AKAP13: variants seen among roughly 807,000 people sequenced by gnomAD.
AKAP13 encodes A-kinase anchoring protein 13, also known as A-kinase anchor protein 13.
Under a neutral mutation model 264.5 loss-of-function variants are expected in AKAP13, and 80 were observed. The ratio of observed to expected loss-of-function variants is 0.30; its 90% CI spans 0.25 to 0.36. The LOEUF (loss-of-function observed/expected upper bound fraction) is 0.36, where lower values mean the gene tolerates loss of function less well. Ranked by LOEUF, AKAP13 falls within the 10% of genes least tolerant of loss-of-function variation. The probability of loss-of-function intolerance (pLI) is 1.00; values close to 1 mark genes in which losing one functional copy is unlikely to be tolerated. For synonymous variants in AKAP13, 1,380 were observed against 1,250.2 expected (o/e 1.10, Z -2.19); for missense variants, 3,712 against 3,435.2 (o/e 1.08, Z -2.01).
intron 5 of AKAP13, among the ~76,000 whole-genome samples, chr15:85,547,785 T>C (rs1475612464): frequency 6.6e-6 from 1 of 152,196 alleles, no homozygotes; most frequent in Non-Finnish European, 1.5e-5. Context: ...GATTGACATA[T>C]ATGTTATCTC....
chr15:85,450,357 A>T (rs2074043721), intron 1 of AKAP13, among the ~76,000 whole-genome samples: 2 of 150,552 alleles, frequency 1.3e-5, no homozygotes, highest in South Asian at 2.1e-4. Flanking sequence ...TCATGTCTTG[A>T]TTTCCTTCAG....
At chr15:85,399,324 G>A (rs1338549335) in intron 1 of AKAP13, among the ~76,000 whole-genome samples, 2 of 149,254 alleles carry the variant, frequency 1.3e-5, no homozygotes, top group East Asian at 3.9e-4. Context: ...GTGAAACCCC[G>A]TCTCTACTAA....
chr15:85,622,182 G>A (rs1211928482), intron 8 of AKAP13, among the ~76,000 whole-genome samples: 1 of 152,184 alleles, frequency 6.6e-6, no homozygotes, highest in Non-Finnish European at 1.5e-5. Flanking sequence ...AAATAAATAA[G>A]TACAAACTGT....
At chr15:85,398,922 G>C (rs2071252419) in intron 1 of AKAP13, among the ~76,000 whole-genome samples, 1 of 152,154 alleles carries the variant, frequency 6.6e-6, no homozygotes, top group African/African-American at 2.4e-5. Context: ...TATTTGAATA[G>C]GTTGTGTATC....
intron 8 of AKAP13, 103 bp from the exon 9 acceptor site, chr15:85,639,271 A>G (rs1687321473): frequency 2.4e-6 from 2 of 833,680 alleles, no homozygotes; most frequent in Admixed American, 4.6e-5. Context: ...CCTGTATTAA[A>G]GAAAAAGATA....
intron 13 of AKAP13, among the ~76,000 whole-genome samples, chr15:85,669,462 G>T (rs942152132): frequency 6.6e-6 from 1 of 152,168 alleles, no homozygotes; most frequent in South Asian, 2.1e-4. Flanking sequence ...CCACTGTAAA[G>T]AATGGATACT....
chr15:85,693,272 G>C lies in AKAP13; in HGVS notation c.5290-5G>C. 1 of 1,587,638 alleles carries C rather than the reference G, an allele frequency of 6.3e-7. No homozygotes were observed. The highest frequency in any genetic ancestry group is 2.3e-5 in the East Asian group (1 of 44,248). On this transcript the variant is annotated splice_region_variant and splice_polypyrimidine_tract_variant and intron_variant, in intron 16 of 36. Coordinates refer to ENST00000394518, the MANE Select transcript of AKAP13 (RefSeq NM_007200.5). ...AACTGTGGATTATTTTCTTTTCTTC[G>C]GCAGGAAAAGGAAAAAGAAAAAGAT...
rs1297766647 is a variant in AKAP13, at chr15:85,746,074, G to C, written c.*1397G>C. On this transcript the variant is annotated 3_prime_UTR_variant, in exon 37 of 37. Transcript: ENST00000394518. ...CTGAGGCCCCGTACACCAGAAGGGAGGCCCTGGAAAATTTTGTGCTTCCAA... is the reference window on the plus strand; with the variant it reads ...CTGAGGCCCCGTACACCAGAAGGGACGCCCTGGAAAATTTTGTGCTTCCAA... The C allele has an allele frequency of 3.3e-5, 5 of 152,440 alleles. No homozygotes were observed. The allele number at this position is 152,440 out of a possible 1,614,324, so 9.4% of individuals were successfully genotyped here.
chr15:85,541,596 G>C (rs1390867602), intron 4 of AKAP13, among the ~76,000 whole-genome samples: 1 of 152,138 alleles, frequency 6.6e-6, no homozygotes, highest in Non-Finnish European at 1.5e-5. Context: ...TTTTTTGTTT[G>C]TTTGTTTGTT....
At chr15:85,557,166 T>G (rs1258566905) in intron 5 of AKAP13, among the ~76,000 whole-genome samples, 2 of 152,244 alleles carry the variant, frequency 1.3e-5, no homozygotes, top group Non-Finnish European at 1.5e-5. Context: ...CTAAATTGAT[T>G]TAGAATAAAC....
At chr15:85,726,967 C>A in intron 27 of AKAP13, 99 bp from the exon 28 acceptor site, 3 of 1,343,582 alleles carry the variant, frequency 2.2e-6, no homozygotes, top group Non-Finnish European at 3.1e-6. Context: ...AAACTATGTG[C>A]TTTTTTAACA....
intron 1 of AKAP13, among the ~76,000 whole-genome samples, chr15:85,459,073 C>A (rs2074402330): frequency 1.3e-5 from 2 of 152,206 alleles, no homozygotes; most frequent in South Asian, 4.1e-4. Context: ...AACTTTAGAT[C>A]CCTATATCCA....
intron 2 of AKAP13, among the ~76,000 whole-genome samples, chr15:85,494,579 T>G (rs899422231): frequency 3.3e-5 from 5 of 152,052 alleles, no homozygotes; most frequent in Admixed American, 2.0e-4. Context: ...ATGGGAGAGG[T>G]CAGGACTGGT....
intron 5 of AKAP13, among the ~76,000 whole-genome samples, chr15:85,566,344 T>A (rs1037668417): frequency 5.3e-5 from 8 of 152,214 alleles, no homozygotes; most frequent in African/African-American, 1.4e-4. Context: ...GCCACACATA[T>A]AAGGGTAAAA....
chr15:85,616,216 A>C (rs1047303722), intron 8 of AKAP13, among the ~76,000 whole-genome samples: 10 of 152,238 alleles, frequency 6.6e-5, no homozygotes, highest in Non-Finnish European at 1.5e-5. Flanking sequence ...GTCCTAATTC[A>C]GAAACTTTGC....
chr15:85,687,157 C>T (rs991631475), intron 16 of AKAP13, among the ~76,000 whole-genome samples: 4 of 152,156 alleles, frequency 2.6e-5, no homozygotes, highest in Non-Finnish European at 4.4e-5. Flanking sequence ...AGTCTCAGCC[C>T]TCAGCCTAGC....
At chr15:85,574,162 G>T (rs1330677740) in intron 5 of AKAP13, among the ~76,000 whole-genome samples, 1 of 152,210 alleles carries the variant, frequency 6.6e-6, no homozygotes, top group Non-Finnish European at 1.5e-5. Context: ...TTACATTTGT[G>T]CTGAATGTAG....
chr15:85,561,066 T>G (rs896271294), intron 5 of AKAP13, among the ~76,000 whole-genome samples: 14 of 150,828 alleles, frequency 9.3e-5, no homozygotes, highest in Non-Finnish European at 2.1e-4. Flanking sequence ...TTTTTTTTTT[T>G]TTTTTTTTTT....
chr15:85,623,027 A>G (rs997090538), intron 8 of AKAP13, among the ~76,000 whole-genome samples: 7 of 152,222 alleles, frequency 4.6e-5, no homozygotes, highest in African/African-American at 7.2e-5. Flanking sequence ...AAGTTTTCTC[A>G]CAATTCTAAA....
Sources: allele counts gnomAD v4.1 joint callset (sites outside exome capture counted in the v4.1 genomes callset), GRCh38; gene constraint gnomAD v4.1.1; transcripts MANE v1.5; gene names NCBI Gene and HGNC (gene_info 2026-07-23, HGNC 2026-07-21).